Variants in PDE4B observed in about 807,000 individuals in gnomAD.
PDE4B encodes the protein 3',5'-cyclic-AMP phosphodiesterase 4B.
Under a neutral mutation model 82.2 loss-of-function variants are expected in PDE4B, and 20 were observed. The ratio of observed to expected loss-of-function variants is 0.24; its 90% confidence interval spans 0.17 to 0.35. The LOEUF (loss-of-function observed/expected upper bound fraction) is 0.35, where lower values mean the gene tolerates loss of function less well. Among genes scored for constraint, PDE4B ranks in the 10% least tolerant of loss-of-function variants. The probability of loss-of-function intolerance (pLI) is 1.00; values close to 1 mark genes in which losing one functional copy is unlikely to be tolerated. For synonymous variants in PDE4B, 320 were observed against 318.9 expected (o/e 1.00, Z -0.04); for missense variants, 655 against 907.2 (o/e 0.72, Z 3.57).
At chr1:65,793,685 C>T (rs917622784) in intron 1 of PDE4B, among the ~76,000 whole-genome samples, 3 of 152,182 alleles carry the variant, frequency 2.0e-5, no homozygotes, top group African/African-American at 7.2e-5. Flanking sequence ...CCAGGATGCT[C>T]CTGCGTGCCC....
intron 1 of PDE4B, among the ~76,000 whole-genome samples, chr1:65,827,239 T>C (rs1646029539): frequency 6.6e-6 from 1 of 151,716 alleles, no homozygotes; most frequent in Non-Finnish European, 1.5e-5. Flanking sequence ...GAAAGCTGGC[T>C]TTCAACAAAA....
intron 7 of PDE4B, among the ~76,000 whole-genome samples, chr1:66,293,216 C>T (rs1295347597): frequency 6.6e-6 from 1 of 152,082 alleles, no homozygotes; most frequent in South Asian, 2.1e-4. Context: ...GTTTTTACAC[C>T]GCTTGCTTGG....
At chr1:66,144,323 G>A (rs1008699916) in intron 3 of PDE4B, among the ~76,000 whole-genome samples, 1 of 152,134 alleles carries the variant, frequency 6.6e-6, no homozygotes, top group African/African-American at 2.4e-5. Context: ...ATACAAAAAG[G>A]TATATGATGA....
chr1:66,240,325 A>C (rs953097541), intron 3 of PDE4B, among the ~76,000 whole-genome samples: 4 of 152,256 alleles, frequency 2.6e-5, no homozygotes, highest in African/African-American at 9.6e-5. Context: ...GTTAAAAATA[A>C]GAAAAAGATT....
chr1:66,342,126 T>C (rs1661033470), intron 8 of PDE4B, among the ~76,000 whole-genome samples: 1 of 152,148 alleles, frequency 6.6e-6, no homozygotes, highest in Non-Finnish European at 1.5e-5. Context: ...AAACTATTAA[T>C]GTAATTATTT....
At chr1:65,896,090 A>C (rs1329165314) in intron 1 of PDE4B, among the ~76,000 whole-genome samples, 1 of 151,912 alleles carries the variant, frequency 6.6e-6, no homozygotes, top group Non-Finnish European at 1.5e-5. Context: ...TCCATTTTTT[A>C]TATATGCATG....
At chr1:66,370,175 A>AAAAG (rs1553177982) in intron 16 of PDE4B, among the ~76,000 whole-genome samples, 30 of 150,062 alleles carry the variant, frequency 2.0e-4, no homozygotes, top group Admixed American at 2.0e-4. Context: ...AAAAAAAAAA[A>AAAAG]AAAGAAAGAA....
At chr1:66,221,535 G>A (rs933037776) in intron 3 of PDE4B, among the ~76,000 whole-genome samples, 2 of 152,174 alleles carry the variant, frequency 1.3e-5, no homozygotes, top group African/African-American at 4.8e-5. Context: ...TATACAGGCA[G>A]TATTAAAACT....
chr1:66,280,304 G>A (rs1349969091), intron 7 of PDE4B, among the ~76,000 whole-genome samples: 2 of 152,204 alleles, frequency 1.3e-5, no homozygotes, highest in Non-Finnish European at 2.9e-5. Context: ...AATATTGGTG[G>A]CCACACAAAC....
At chr1:65,864,057 C>T (rs769094013) in intron 1 of PDE4B, among the ~76,000 whole-genome samples, 7 of 151,686 alleles carry the variant, frequency 4.6e-5, no homozygotes, top group Non-Finnish European at 7.4e-5. Flanking sequence ...TTTGTTCATT[C>T]CCTTTCATTC....
At chr1:66,013,977 G>C (rs372925179) in intron 3 of PDE4B, among the ~76,000 whole-genome samples, 1 of 151,900 alleles carries the variant, frequency 6.6e-6, no homozygotes, top group Admixed American at 6.6e-5. Flanking sequence ...ATTTTTTTCT[G>C]ATAGAAGTTA....
chr1:66,204,450 A>G (rs1269925069), intron 3 of PDE4B, among the ~76,000 whole-genome samples: 1 of 152,220 alleles, frequency 6.6e-6, no homozygotes, highest in Non-Finnish European at 1.5e-5. Flanking sequence ...CCATAGGTGG[A>G]GCCTACAGAG....
At chr1:66,007,891 A>G (rs1420102506) in intron 3 of PDE4B, among the ~76,000 whole-genome samples, 1 of 152,184 alleles carries the variant, frequency 6.6e-6, no homozygotes, top group African/African-American at 2.4e-5. Context: ...ACAAGCTACA[A>G]AGAAATAAAC....
Position 66,361,625 on chromosome 1 carries a change from T to G in PDE4B, c.852T>G (p.Asn284Lys). ...CTTTGTCTGTTGCAGACAAGCAGAA[T>G]GATGTGGAGATCCCATCTCCTACCC... Reference protein sequence around the residue: ...YISNTFLDKQNDVEIPSPTQK... With the variant: ...YISNTFLDKQKDVEIPSPTQK... The change falls in exon 10 of 17, where the codon AAT (asparagine) becomes AAG (lysine). Residue 284 changes from asparagine to lysine, a missense_variant. Around this residue, in one of 3 missense-constraint regions of PDE4B, gnomAD observed 283 missense variants for 516.4 expected, o/e 0.55. Transcript: ENST00000341517. The G allele has an allele frequency of 6.2e-7, 1 of 1,612,660 alleles. No individual in the cohort carries two copies.
chr1:66,257,487 AC>A, intron 4 of PDE4B, 159 bp from the exon 5 acceptor site: 2 of 808,338 alleles, frequency 2.5e-6, no homozygotes, highest in South Asian at 1.4e-5. Flanking sequence ...CTCTTGGAAT[AC>A]CCTTTCGTGC....
chr1:66,220,833 G>T (rs557692679), intron 3 of PDE4B, among the ~76,000 whole-genome samples: 126 of 152,170 alleles, frequency 8.3e-4, no homozygotes, highest in African/African-American at 2.9e-3. Context: ...TGAAAATGTT[G>T]CCAGGGCTCC....
At position 66,238,172 on chromosome 1, in the gene PDE4B, T is replaced by C. The variant is rs553755127; in HGVS notation, c.282-9288T>C. On this transcript the variant is annotated intron_variant, in intron 3 of 16. Coordinates refer to ENST00000341517, the MANE Select transcript of PDE4B (RefSeq NM_002600.4). ...TTCATTCACTCGACAAATATTTATGTAGCACTTTCTACCAGCCAGGGACTG... is the reference window on the plus strand; with the variant it reads ...TTCATTCACTCGACAAATATTTATGCAGCACTTTCTACCAGCCAGGGACTG... 8.5e-5 allele frequency among the ~76,000 whole-genome samples: 13 copies of C among 152,316 alleles called. 1 individual carries two copies. In the East Asian group the frequency reaches 2.5e-3, roughly 29 times the overall value.
chr1:66,169,523 G>A (rs1646799058), intron 3 of PDE4B, among the ~76,000 whole-genome samples: 1 of 152,196 alleles, frequency 6.6e-6, no homozygotes, highest in South Asian at 2.1e-4. Flanking sequence ...TCTCACATAT[G>A]TCATTCAGGA....
chr1:66,096,580 CATT>C (rs1253310875), intron 3 of PDE4B, among the ~76,000 whole-genome samples: 3 of 138,362 alleles, frequency 2.2e-5, no homozygotes, highest in Non-Finnish European at 4.6e-5. Context: ...TTAAATATCT[CATT>C]AATAATTTAT....
Sources: allele counts gnomAD v4.1 joint callset (sites outside exome capture counted in the v4.1 genomes callset), GRCh38; gene constraint gnomAD v4.1.1; regional missense constraint gnomAD v4.1.1; transcripts MANE v1.5; gene names NCBI Gene and HGNC (gene_info 2026-07-23, HGNC 2026-07-21).